The following USP5 variants were observed in gnomAD, a reference collection of about 807,000 sequenced individuals.
The protein encoded by USP5 is ubiquitin specific peptidase 5.
USP5 carries 24 observed loss-of-function variants against 102.5 expected under a neutral mutation model. The ratio of observed to expected loss-of-function variants is 0.23; its 90% CI spans 0.17 to 0.33. The LOEUF is 0.33. USP5 is among the 10% of genes least tolerant of loss of function. The pLI is 1.00. For synonymous variants in USP5, 460 were observed against 434.8 expected (o/e 1.06, Z -0.72); for missense variants, 753 against 1,122.1 (o/e 0.67, Z 4.70).
At chr12:6,857,841 A>T (rs782612402) in intron 7 of USP5, 118 bp downstream of exon 7, 1 of 891,244 alleles carries the variant, frequency 1.1e-6, no homozygotes, top group South Asian at 1.5e-5. Context: ...CATCCCCAAG[A>T]TACACAGGCT....
intron 7 of USP5, 106 bp downstream of exon 7, chr12:6,857,829 C>A: frequency 9.3e-7 from 1 of 1,079,480 alleles, no homozygotes; most frequent in Non-Finnish European, 1.4e-6. Flanking sequence ...TCTAGTTAAC[C>A]CCATCCCCAA....
rs187058578 is a variant in USP5, at chr12:6,852,175, G to C, written c.-5G>C. 547 of 1,609,378 alleles carry C rather than the reference G, an allele frequency of 3.4e-4. No homozygotes were observed. The African/African-American group carries it at 5.9e-3, about 17-fold the overall frequency. ...GCCGTGTGTGGAGAAGCTGCTGCCG[G>C]TGTCATGGCGGAGCTGAGTGAGGAG... On this transcript the variant is annotated 5_prime_UTR_variant, in exon 1 of 20. Coordinates refer to ENST00000229268, the MANE Select transcript of USP5 (RefSeq NM_001098536.2).
At position 6,863,287 on chromosome 12, in the gene USP5, G is replaced by T; in HGVS notation, c.1864G>T (p.Val622Phe). The change falls in exon 15 of 20, where the codon GTC becomes TTC. Residue 622 changes from valine to phenylalanine, a missense_variant. This residue lies in a region of USP5 where 527 missense variants were observed against 816.5 expected (regional missense o/e 0.65). Transcript: ENST00000229268. The surrounding 1 kb of genome is among the most constrained non-coding windows in gnomAD (Gnocchi z 4.7). ...EELPDIAPPL[V>F]TPDEPKGSLG... ...GCTGCCAGACATTGCCCCACCCCTGGTCACTCCGGATGAGCCCAAAGGTAG... is the reference window on the plus strand; with the variant it reads ...GCTGCCAGACATTGCCCCACCCCTGTTCACTCCGGATGAGCCCAAAGGTAG... 6.2e-7 allele frequency: 1 copy of T among 1,614,168 alleles called. No homozygotes were observed. The highest frequency in any genetic ancestry group is 1.1e-5 in the South Asian group (1 of 91,078).
At position 6,866,152 on chromosome 12, in the gene USP5, C is replaced by T; in HGVS notation, c.*75C>T. 7.4e-7 allele frequency: 1 copy of T among 1,354,496 alleles called. No individual in the cohort carries two copies. The highest frequency in any genetic ancestry group is 1.1e-6 in the Non-Finnish European group (1 of 948,122). The allele number at this position is 1,354,496 out of a possible 1,614,324, so 83.9% of individuals were successfully genotyped here. ...TGAGGGAGAGGGGCTGAGGGATGGACTTCAGCCCCTCTGCTCTGTACCCTT... is the reference window on the plus strand; with the variant it reads ...TGAGGGAGAGGGGCTGAGGGATGGATTTCAGCCCCTCTGCTCTGTACCCTT... On this transcript the variant is annotated 3_prime_UTR_variant, in exon 20 of 20. Transcript: ENST00000229268. The surrounding 1 kb of genome is among the most constrained non-coding windows in gnomAD (Gnocchi z 4.7).
In USP5 at chr12:6,856,263, G is replaced by T. The variant is rs1944109198; in HGVS notation, c.439-42G>T. On this transcript the variant is annotated intron_variant, in intron 4 of 19. Transcript: ENST00000229268. The surrounding 1 kb of genome is among the most constrained non-coding windows in gnomAD (Gnocchi z 5.6). The stretch of plus-strand genomic sequence containing the variant: ...GCCAAGGGGAAGAGGGGCATGTGGG[G>T]CAGGGGGTTGGGTATTGCCTCTGAC... 1.9e-6 allele frequency: 3 copies of T among 1,604,798 alleles called. No homozygotes were observed. In the East Asian group the frequency reaches 6.7e-5, roughly 36 times the overall value.
Position 6,863,078 on chromosome 12 carries a change from A to G in USP5, c.1763-108A>G, listed in dbSNP as rs1944324260. ...CTAAGATGGGTGCCGTGCTTTTAGC[A>G]GCTCCTCTTTACAGAGCAGTTCTGA... On this transcript the variant is annotated intron_variant, in intron 14 of 19. Coordinates refer to ENST00000229268, the MANE Select transcript of USP5 (RefSeq NM_001098536.2). This position sits in a 1 kb window ranked among gnomAD's most constrained non-coding sequence, Gnocchi z 4.7. 8.8e-7 allele frequency: 1 copy of G among 1,133,786 alleles called. No individual in the cohort carries two copies. Among genetic ancestry groups the G allele is most frequent in the Non-Finnish European group, 1.2e-6 (1 of 821,444 alleles). The allele number at this position is 1,133,786 out of a possible 1,614,324, so 70.2% of individuals were successfully genotyped here.
At chr12:6,859,934 C>T (rs1294447584) in intron 9 of USP5, among the ~76,000 whole-genome samples, 1 of 152,158 alleles carries the variant, frequency 6.6e-6, no homozygotes, top group African/African-American at 2.4e-5. Flanking sequence ...GGATTACAGG[C>T]GTGAGCCACC....
In USP5 at chr12:6,863,485, T is replaced by C. The variant is rs1555130026; in HGVS notation, c.1954+108T>C. The C allele has an allele frequency of 7.3e-7, 1 of 1,362,944 alleles. No individual in the cohort carries two copies. Among genetic ancestry groups the C allele is most frequent in the African/African-American group, 1.5e-5 (1 of 68,800 alleles). 84.4% of individuals were successfully genotyped at this position (1,362,944 alleles called of 1,614,324 possible). A position where few individuals can be genotyped will look rare whatever the true frequency, so the allele number is the denominator to read the frequency against. On this transcript the variant is annotated intron_variant, in intron 15 of 19. Transcript: ENST00000229268. This position sits in a 1 kb window ranked among gnomAD's most constrained non-coding sequence, Gnocchi z 4.7. Reference sequence around the variant, plus strand: ...TGTTTCTCCTGTCCTCCCTTTCAAATTTCCTCTGCCCTCTTTGATTGACAT... The same window carrying C: ...TGTTTCTCCTGTCCTCCCTTTCAAACTTCCTCTGCCCTCTTTGATTGACAT...
chr12:6,866,354 G>A lies in USP5; in HGVS notation c.*277G>A, dbSNP rs781858281. On this transcript the variant is annotated 3_prime_UTR_variant, in exon 20 of 20. Transcript: ENST00000229268. The surrounding 1 kb of genome is among the most constrained non-coding windows in gnomAD (Gnocchi z 4.7). ...CTGCCCCCGGAATCCACAGTGCTCT[G>A]CTTCTCTGTGTCGCCCCGCCCAGCC... is the stretch of plus-strand genomic sequence containing the variant. 1.1e-5 allele frequency: 5 copies of A among 442,142 alleles called. No individual in the cohort carries two copies. In the East Asian group the frequency reaches 1.9e-4, roughly 16 times the overall value. The allele number at this position is 442,142 out of a possible 1,614,324, so 27.4% of individuals were successfully genotyped here. A position where few individuals can be genotyped will look rare whatever the true frequency, so the allele number is the denominator to read the frequency against.
At chr12:6,862,705 G>T in intron 14 of USP5, 147 bp downstream of exon 14, 1 of 669,722 alleles carries the variant, frequency 1.5e-6, no homozygotes, top group Non-Finnish European at 2.5e-6. Flanking sequence ...TAGTTTGAAA[G>T]CACTAACTAA....
chr12:6,862,389 G>A (rs1393125784), intron 13 of USP5, 81 bp from the exon 14 acceptor site: 10 of 1,248,276 alleles, frequency 8.0e-6, no homozygotes, highest in Non-Finnish European at 1.2e-5. Flanking sequence ...CTACCCATGA[G>A]GGGCTGAACC....
chr12:6,861,325 C>A lies in USP5; in HGVS notation c.1499-118C>A. The A allele has an allele frequency of 7.5e-7, 1 of 1,334,632 alleles. No individual in the cohort carries two copies. Among genetic ancestry groups the A allele is most frequent in the Non-Finnish European group, 1.0e-6 (1 of 977,650 alleles). 82.7% of individuals were successfully genotyped at this position (1,334,632 alleles called of 1,614,324 possible). A position where few individuals can be genotyped will look rare whatever the true frequency, so the allele number is the denominator to read the frequency against. ...CAGGCGAGATATATTGGACATGTGT[C>A]AGGGGTGCTTTGGAAGGGTAGAGGA... On this transcript the variant is annotated intron_variant, in intron 12 of 19. Transcript: ENST00000229268. The surrounding 1 kb of genome is among the most constrained non-coding windows in gnomAD (Gnocchi z 4.9).
At chr12:6,857,461 A>C in intron 6 of USP5, 168 bp from the exon 7 acceptor site, 3 of 561,896 alleles carry the variant, frequency 5.3e-6, no homozygotes, top group Non-Finnish European at 9.5e-6. Flanking sequence ...CGTCAGCCCC[A>C]GAAGGGCCAT....
Position 6,863,044 on chromosome 12 carries a change from C to G in USP5, c.1763-142C>G. 1 of 757,132 alleles carries G rather than the reference C, an allele frequency of 1.3e-6. No homozygotes were observed. The allele number at this position is 757,132 out of a possible 1,614,324, so 46.9% of individuals were successfully genotyped here. Reference sequence around the variant, plus strand: ...CAGGCTTAGTATTATTTGTCTTATACTGGGACCCCTAAGATGGGTGCCGTG... The same window carrying G: ...CAGGCTTAGTATTATTTGTCTTATAGTGGGACCCCTAAGATGGGTGCCGTG... On this transcript the variant is annotated intron_variant, in intron 14 of 19. Transcript: ENST00000229268. This position sits in a 1 kb window ranked among gnomAD's most constrained non-coding sequence, Gnocchi z 4.7.
At position 6,855,484 on chromosome 12, in the gene USP5, C is replaced by T. The variant is rs764601063; in HGVS notation, c.195C>T (p.Thr65=). 41 of 1,614,048 alleles carry T rather than the reference C, an allele frequency of 2.5e-5. No homozygotes were observed. Among genetic ancestry groups the T allele is most frequent in the African/African-American group, 5.3e-5 (4 of 74,898 alleles). ...KQYVERHFNK[T]GQRVYLHLRR... is the part of the protein sequence containing the mutation. ...ATGTGGAGAGACATTTCAATAAGAC[C>T]GGCCAGCGAGTCTACTTGCACCTCC... Residue 65 remains threonine, a synonymous_variant, in exon 2 of 20, where the codon ACC becomes ACT. Coordinates refer to ENST00000229268, the MANE Select transcript of USP5 (RefSeq NM_001098536.2). The surrounding 1 kb of genome is among the most constrained non-coding windows in gnomAD (Gnocchi z 4.6).
In USP5 at chr12:6,861,511, G is replaced by T. The variant is rs199632125; in HGVS notation, c.1567G>T (p.Val523Phe). 4 of 1,602,294 alleles carry T rather than the reference G, an allele frequency of 2.5e-6. No homozygotes were observed. Among genetic ancestry groups the T allele is most frequent in the Admixed American group, 3.4e-5 (2 of 59,700 alleles). Reference sequence around the variant, plus strand: ...GGAGAAGATGGCACTGCCAGAACTGGTTCGGGCCCAGGTGCCCTTCAGCTC... The same window carrying T: ...GGAGAAGATGGCACTGCCAGAACTGTTTCGGGCCCAGGTGCCCTTCAGCTC... Reference protein sequence around the residue: ...EEEKMALPELVRAQVPFSSCL... With the variant: ...EEEKMALPELFRAQVPFSSCL... Residue 523 changes from valine to phenylalanine, a missense_variant, in exon 13 of 20, where the codon GTT becomes TTT. Val to Phe is a conservative substitution (Grantham distance 50). Transcript: ENST00000229268. The surrounding 1 kb of genome is among the most constrained non-coding windows in gnomAD (Gnocchi z 4.9).
chr12:6,862,748 T>C (rs782065985), intron 14 of USP5, among the ~76,000 whole-genome samples, 190 bp downstream of exon 14: 1 of 152,368 alleles, frequency 6.6e-6, no homozygotes, highest in South Asian at 2.1e-4. Flanking sequence ...TTGTTATAGG[T>C]ATGATTTACA....
chr12:6,859,898 G>A (rs782365466), intron 9 of USP5, among the ~76,000 whole-genome samples: 2 of 152,228 alleles, frequency 1.3e-5, no homozygotes, highest in South Asian at 4.1e-4. Flanking sequence ...CTCGTGGTCT[G>A]CCCACCTCGG....
chr12:6,864,998 C>A lies in USP5; in HGVS notation c.2398+123C>A. 1 of 1,408,906 alleles carries A rather than the reference C, an allele frequency of 7.1e-7. No individual in the cohort carries two copies. 87.3% of individuals were successfully genotyped at this position (1,408,906 alleles called of 1,614,324 possible). A position where few individuals can be genotyped will look rare whatever the true frequency, so the allele number is the denominator to read the frequency against. On this transcript the variant is annotated intron_variant, in intron 18 of 19. Transcript: ENST00000229268. This position sits in a 1 kb window ranked among gnomAD's most constrained non-coding sequence, Gnocchi z 4.8. ...GGGGCTTCTTTCCACCTCAACGTGG[C>A]ATCTGAGGGTGGGGTTCTCTGACAT...
Sources: gnomAD v4.1 joint callset for allele counts (sites outside exome capture counted in the v4.1 genomes callset) on GRCh38, gnomAD v4.1.1 for gene constraint, gnomAD v4.1.1 regional missense constraint, Gnocchi (gnomAD v3.1) non-coding constraint, MANE v1.5 for transcripts, NCBI Gene and HGNC (gene_info 2026-07-23, HGNC 2026-07-21) for gene names.